The following NEXMIF variants were observed in gnomAD, a reference collection of about 807,000 sequenced individuals.
The protein encoded by NEXMIF is neurite extension and migration factor.
NEXMIF carries 8 observed loss-of-function variants against 62.1 expected under a neutral mutation model. The ratio of observed to expected loss-of-function variants is 0.13; its 90% CI spans 0.08 to 0.23. The LOEUF (loss-of-function observed/expected upper bound fraction) is 0.23. NEXMIF is among the 10% of genes least tolerant of loss of function. The pLI is 1.00. For synonymous variants in NEXMIF, 404 were observed against 416.6 expected (o/e 0.97, Z 0.37); for missense variants, 976 against 1,113.3 (o/e 0.88, Z 1.75).
intron 1 of NEXMIF, among the ~76,000 whole-genome samples, chrX:74,849,696 A>G (rs2147493408): frequency 8.9e-6 from 1 of 112,361 alleles, no homozygotes; most frequent in African/African-American, 3.2e-5. Flanking sequence ...GCAGAACCAT[A>G]AGCCGTTGGC....
chrX:74,907,445 T>C (rs2080773175), intron 1 of NEXMIF, among the ~76,000 whole-genome samples: 1 of 106,282 alleles, frequency 9.4e-6, no homozygotes, highest in Admixed American at 1.0e-4. Flanking sequence ...TGATAGAGAG[T>C]GTAGTTGTGT....
chrX:74,860,051 T>C (rs1249880734), intron 1 of NEXMIF, among the ~76,000 whole-genome samples: 1 of 111,262 alleles, frequency 9.0e-6, no homozygotes, highest in Non-Finnish European at 1.9e-5. Context: ...GATAATAACA[T>C]TGACTGTAAA....
At chrX:74,791,034 ACG>A (rs2080280358) in intron 1 of NEXMIF, among the ~76,000 whole-genome samples, 1 of 110,463 alleles carries the variant, frequency 9.1e-6, no homozygotes, top group African/African-American at 3.3e-5. Flanking sequence ...GTGGTGAGAG[ACG>A]GCATCCCTGT....
intron 1 of NEXMIF, among the ~76,000 whole-genome samples, chrX:74,756,788 G>A (rs1353100725): frequency 2.7e-5 from 3 of 112,029 alleles, no homozygotes; most frequent in Non-Finnish European, 5.6e-5. Context: ...CCTGGCTGAT[G>A]CCCAAAGCCA....
intron 1 of NEXMIF, among the ~76,000 whole-genome samples, chrX:74,912,698 G>A (rs1008895737): frequency 1.8e-5 from 2 of 111,398 alleles, no homozygotes; most frequent in South Asian, 7.7e-4. Context: ...AATTCCTGTA[G>A]TGCCAAGCTC....
intron 1 of NEXMIF, among the ~76,000 whole-genome samples, chrX:74,852,095 T>C (rs2147494723): frequency 9.1e-6 from 1 of 110,258 alleles, no homozygotes; most frequent in Admixed American, 9.6e-5. Flanking sequence ...AAGACACATA[T>C]AGATTGAAAG....
chrX:74,867,521 A>G (rs1181809703), intron 1 of NEXMIF, among the ~76,000 whole-genome samples: 1 of 112,291 alleles, frequency 8.9e-6, no homozygotes, highest in Non-Finnish European at 1.9e-5. Flanking sequence ...CTTGACAAAA[A>G]CAAGCAATGA....
intron 1 of NEXMIF, among the ~76,000 whole-genome samples, chrX:74,764,046 C>T (rs1243872245): frequency 7.2e-5 from 8 of 111,084 alleles, no homozygotes; most frequent in African/African-American, 2.0e-4. Context: ...GTCTTGTGCC[C>T]GTTTTCAAAG....
chrX:74,901,726 C>T (rs1193854161), intron 1 of NEXMIF, among the ~76,000 whole-genome samples: 1 of 111,376 alleles, frequency 9.0e-6, no homozygotes, highest in Non-Finnish European at 1.9e-5. Context: ...TTCCCTTCTC[C>T]CAGCTATGAT....
intron 1 of NEXMIF, among the ~76,000 whole-genome samples, chrX:74,844,209 C>T (rs1205984906): frequency 9.0e-6 from 1 of 111,288 alleles, no homozygotes; most frequent in Admixed American, 9.6e-5. Flanking sequence ...CTGCCTTTAA[C>T]ATTCTTTCTT....
chrX:74,912,082 C>G (rs137879674), intron 1 of NEXMIF, among the ~76,000 whole-genome samples: 18 of 111,583 alleles, frequency 1.6e-4, no homozygotes, highest in African/African-American at 5.9e-4. Context: ...GAGAAGGCAA[C>G]AGTTATTTCA....
At chrX:74,778,161 C>A (rs1207378973) in intron 1 of NEXMIF, among the ~76,000 whole-genome samples, 1 of 112,137 alleles carries the variant, frequency 8.9e-6, no homozygotes, top group Non-Finnish European at 1.9e-5. Context: ...CATTTTAATA[C>A]TAAAACCTCA....
At position 74,836,207 on chromosome X, in the gene NEXMIF, G is replaced by C. The variant is rs2080455944; in HGVS notation, c.-48+88676C>G. Among the ~76,000 whole-genome samples, 7 of 112,511 alleles carry C rather than the reference G, an allele frequency of 6.2e-5. No individual in the cohort carries two copies. In the Admixed American group the frequency reaches 6.6e-4, roughly 11 times the overall value. On this transcript the variant is annotated intron_variant, in intron 1 of 3. Coordinates refer to ENST00000055682, the MANE Select transcript of NEXMIF (RefSeq NM_001008537.3). ...CCCTTCAGGGCTATGGTCTGACCCA[G>C]GGCAGGTCCAGAAATGCCATCCAGG...
intron 1 of NEXMIF, among the ~76,000 whole-genome samples, chrX:74,810,997 T>A (rs2080358748): frequency 9.0e-6 from 1 of 111,688 alleles, no homozygotes; most frequent in Non-Finnish European, 1.9e-5. Flanking sequence ...TTATCTCACT[T>A]AATATTTACA....
At chrX:74,863,127 A>C (rs2080564058) in intron 1 of NEXMIF, among the ~76,000 whole-genome samples, 1 of 108,444 alleles carries the variant, frequency 9.2e-6, no homozygotes, top group African/African-American at 3.4e-5. Flanking sequence ...AGCTGAGTCC[A>C]TGCCACTGGA....
intron 1 of NEXMIF, among the ~76,000 whole-genome samples, chrX:74,770,054 G>A (rs184134403): frequency 7.2e-5 from 8 of 111,260 alleles, no homozygotes; most frequent in East Asian, 2.8e-4. Flanking sequence ...ATTAGTCCCC[G>A]TTCATAAACC....
intron 1 of NEXMIF, among the ~76,000 whole-genome samples, chrX:74,774,045 A>G (rs2080221204): frequency 9.0e-6 from 1 of 111,087 alleles, no homozygotes; most frequent in Non-Finnish European, 1.9e-5. Flanking sequence ...TTATCAAAAG[A>G]ACACAATAGT....
intron 1 of NEXMIF, among the ~76,000 whole-genome samples, chrX:74,800,007 A>C (rs1469861851): frequency 9.0e-6 from 1 of 111,676 alleles, no homozygotes; most frequent in Non-Finnish European, 1.9e-5. Context: ...ATACAAGATC[A>C]ATGAGAAAAT....
At chrX:74,901,209 G>A (rs2080748538) in intron 1 of NEXMIF, among the ~76,000 whole-genome samples, 1 of 111,932 alleles carries the variant, frequency 8.9e-6, no homozygotes, top group African/African-American at 3.2e-5. Context: ...TAAAGAATGG[G>A]CTTTCTGGCA....
Sources: gnomAD v4.1 joint callset for allele counts (sites outside exome capture counted in the v4.1 genomes callset) on GRCh38, gnomAD v4.1.1 for gene constraint, MANE v1.5 for transcripts, NCBI Gene and HGNC (gene_info 2026-07-23, HGNC 2026-07-21) for gene names.